Variants in ARL15 observed in about 807,000 individuals in gnomAD.
ARL15 encodes the protein ADP-ribosylation factor-like protein 15.
A neutral mutation model predicts 25.2 loss-of-function variants in ARL15; 19 were observed. The observed-to-expected ratio is 0.75, with a 90% CI of 0.53 to 1.10. The LOEUF (loss-of-function observed/expected upper bound fraction) is 1.10, where lower values mean the gene tolerates loss of function less well. Ranked by LOEUF, ARL15 falls within the 50% of genes least tolerant of loss-of-function variation. The pLI is 0.00. For synonymous variants in ARL15, 94 were observed against 86.8 expected, an observed-to-expected ratio of 1.08 and a Z score of -0.46; for missense variants, 220 against 246.0, an observed-to-expected ratio of 0.89 and a Z score of 0.71.
chr5:54,175,339 CT>C (rs200930798), intron 1 of ARL15, among the ~76,000 whole-genome samples: 107 of 145,592 alleles, frequency 7.3e-4, no homozygotes, highest in Admixed American at 8.9e-4. Flanking sequence ...TTCTTTCTTT[CT>C]TTTTTTTTTT....
chr5:54,002,110 T>C (rs1748867193), intron 4 of ARL15, among the ~76,000 whole-genome samples: 1 of 152,074 alleles, frequency 6.6e-6, no homozygotes, highest in Admixed American at 6.6e-5. Flanking sequence ...CTTACAAGAC[T>C]TCAGGTTCAA....
At chr5:53,963,805 TCACACA>T (rs60458728) in intron 4 of ARL15, among the ~76,000 whole-genome samples, 3,862 of 143,154 alleles carry the variant, frequency 0.027, 49 homozygotes, top group African/African-American at 0.048. Flanking sequence ...TGAAACTCCA[TCACACA>T]CACACACACA....
intron 4 of ARL15, among the ~76,000 whole-genome samples, chr5:53,977,119 G>A (rs1055768305): frequency 2.0e-5 from 3 of 152,136 alleles, no homozygotes; most frequent in Non-Finnish European, 4.4e-5. Flanking sequence ...AGCACTTTGG[G>A]AGGCCGAGGC....
intron 1 of ARL15, among the ~76,000 whole-genome samples, chr5:54,259,009 G>A (rs545089750): frequency 6.6e-6 from 1 of 152,296 alleles, no homozygotes; most frequent in East Asian, 1.9e-4. Flanking sequence ...TTCAACCCTT[G>A]TTGTCCAGTG....
At chr5:54,070,916 C>G (rs1453234632) in intron 4 of ARL15, among the ~76,000 whole-genome samples, 1 of 151,798 alleles carries the variant, frequency 6.6e-6, no homozygotes, top group Non-Finnish European at 1.5e-5. Flanking sequence ...TGTCTGTAAT[C>G]CCAGCGCTTT....
chr5:54,099,999 A>ACC (rs143858663), intron 4 of ARL15, among the ~76,000 whole-genome samples: 19 of 151,612 alleles, frequency 1.3e-4, no homozygotes, highest in Non-Finnish European at 2.4e-4. Flanking sequence ...ATATCCTGTG[A>ACC]CCCCCCCGTA....
intron 1 of ARL15, among the ~76,000 whole-genome samples, chr5:54,225,508 C>A (rs749994318): frequency 6.6e-6 from 1 of 152,100 alleles, no homozygotes; most frequent in Non-Finnish European, 1.5e-5. Flanking sequence ...TAAGGAATGA[C>A]TGGGTGGTGA....
At chr5:54,154,373 A>G in intron 3 of ARL15, 1 of 424,538 alleles carries the variant, frequency 2.4e-6, no homozygotes, top group Non-Finnish European at 4.2e-6. Flanking sequence ...TCATTCAAAA[A>G]ACCCCCAAAG....
intron 1 of ARL15, among the ~76,000 whole-genome samples, chr5:54,219,215 T>A (rs1400247594): frequency 6.6e-6 from 1 of 152,192 alleles, no homozygotes; most frequent in South Asian, 2.1e-4. Flanking sequence ...CCATGCATAC[T>A]TTATTGCTGT....
intron 4 of ARL15, among the ~76,000 whole-genome samples, chr5:54,005,296 CT>C (rs1390782244): frequency 6.6e-6 from 1 of 152,190 alleles, no homozygotes; most frequent in African/African-American, 2.4e-5. Context: ...ACTATTTGCC[CT>C]TCTGTTCTCT....
rs147350797 is a variant in ARL15, at chr5:54,032,639, C to T, written c.462+80563G>A. 3.1e-3 allele frequency among the ~76,000 whole-genome samples: 478 copies of T among 151,770 alleles called. 8 individuals are homozygous for T. Among genetic ancestry groups the T allele is most frequent in the Non-Finnish European group, 2.5e-3 (172 of 67,950 alleles). On this transcript the variant is annotated intron_variant, in intron 4 of 4. Transcript: ENST00000504924. ...GACAGGCAAGAGAAGAAATTTCTCA[C>T]AATGCAAATAAGACTATAGGGTAAG...
intron 4 of ARL15, among the ~76,000 whole-genome samples, chr5:53,899,620 ATAT>A (rs1213041127): frequency 6.6e-6 from 1 of 151,896 alleles, no homozygotes; most frequent in Non-Finnish European, 1.5e-5. Flanking sequence ...ACCCCCATAT[ATAT>A]TATTATGTTT....
intron 4 of ARL15, among the ~76,000 whole-genome samples, chr5:53,917,741 T>A (rs1451619678): frequency 6.6e-6 from 1 of 152,152 alleles, no homozygotes; most frequent in East Asian, 1.9e-4. Context: ...GCAGGACATC[T>A]TCTTTGCATT....
chr5:54,109,588 A>G (rs1031676030), intron 4 of ARL15, among the ~76,000 whole-genome samples: 2 of 152,008 alleles, frequency 1.3e-5, no homozygotes, highest in East Asian at 3.8e-4. Flanking sequence ...TGATCTATTA[A>G]ATAACTTCAG....
intron 4 of ARL15, among the ~76,000 whole-genome samples, chr5:53,892,937 G>C (rs1000002505): frequency 2.0e-5 from 3 of 152,050 alleles, no homozygotes; most frequent in Admixed American, 2.0e-4. Flanking sequence ...GTAAAAGTAT[G>C]GTCTTGCTCC....
chr5:54,213,978 A>G (rs1756114747), intron 1 of ARL15, among the ~76,000 whole-genome samples: 1 of 152,186 alleles, frequency 6.6e-6, no homozygotes, highest in Admixed American at 6.5e-5. Flanking sequence ...CTAAATTTGA[A>G]CACATATATG....
intron 1 of ARL15, among the ~76,000 whole-genome samples, chr5:54,284,542 T>C (rs1410607690): frequency 6.6e-6 from 1 of 152,240 alleles, no homozygotes; most frequent in Non-Finnish European, 1.5e-5. Flanking sequence ...ATGAGAGAAT[T>C]AACTCTTTTT....
intron 4 of ARL15, among the ~76,000 whole-genome samples, chr5:53,933,642 CAAAAAAAAAAA>C (rs34912827): frequency 1.3e-5 from 1 of 76,002 alleles, no homozygotes; most frequent in African/African-American, 5.2e-5. Flanking sequence ...GAGACTGTCT[CAAAAAAAAAAA>C]AAAAAAAAAA....
intron 4 of ARL15, among the ~76,000 whole-genome samples, chr5:53,968,721 G>C (rs957033250): frequency 1.3e-5 from 2 of 151,784 alleles, no homozygotes; most frequent in Non-Finnish European, 2.9e-5. Context: ...ATGTCGGCCA[G>C]GCTGGTCTCG....
Sources: allele counts gnomAD v4.1 joint callset (sites outside exome capture counted in the v4.1 genomes callset), GRCh38; gene constraint gnomAD v4.1.1; transcripts MANE v1.5; gene names NCBI Gene and HGNC (gene_info 2026-07-23, HGNC 2026-07-21).